The following ASAP1 variants were observed in gnomAD, a reference collection of about 807,000 sequenced individuals.
ASAP1 encodes the protein ArfGAP with SH3 domain, ankyrin repeat and PH domain 1, also known as arf-GAP with SH3 domain, ANK repeat and PH domain-containing protein 1.
Under a neutral mutation model 145.2 loss-of-function variants are expected in ASAP1, and 43 were observed. The observed-to-expected ratio is 0.30, with a 90% confidence interval of 0.23 to 0.38. The LOEUF is 0.38. Among genes scored for constraint, ASAP1 ranks in the 10% least tolerant of loss-of-function variants. The pLI, the probability that ASAP1 is intolerant of heterozygous loss-of-function variation, is 1.00. For missense variants in ASAP1, 1,018 were observed against 1,355.3 expected, an observed-to-expected ratio of 0.75 and a Z score of 3.91; for synonymous variants, 546 against 515.5, an observed-to-expected ratio of 1.06 and a Z score of -0.80.
chr8:130,185,427 C>T (rs1814648426), intron 7 of ASAP1, among the ~76,000 whole-genome samples: 1 of 151,922 alleles, frequency 6.6e-6, no homozygotes, highest in African/African-American at 2.4e-5. Context: ...TTGTAGAGGA[C>T]AATACAGAAA....
intron 3 of ASAP1, among the ~76,000 whole-genome samples, chr8:130,310,473 T>C (rs1288184400): frequency 2.0e-5 from 3 of 152,136 alleles, no homozygotes; most frequent in African/African-American, 7.2e-5. Context: ...TTCATGGTGA[T>C]AGATGTGTCA....
chr8:130,287,652 T>C (rs1217620778), intron 3 of ASAP1, among the ~76,000 whole-genome samples: 1 of 152,214 alleles, frequency 6.6e-6, no homozygotes, highest in Non-Finnish European at 1.5e-5. Context: ...GCATTTGAAT[T>C]TCTCCTCTGC....
At chr8:130,110,990 C>T (rs531667707) in intron 24 of ASAP1, among the ~76,000 whole-genome samples, 1 of 152,160 alleles carries the variant, frequency 6.6e-6, no homozygotes, top group African/African-American at 2.4e-5. Flanking sequence ...TCAATTATCC[C>T]TACTGGCTGA....
At chr8:130,245,594 G>C (rs988917436) in intron 3 of ASAP1, among the ~76,000 whole-genome samples, 15 of 152,130 alleles carry the variant, frequency 9.9e-5, no homozygotes, top group Non-Finnish European at 1.9e-4. Context: ...CCAAAGAAAA[G>C]GTACTGCATA....
Position 130,054,770 on chromosome 8 carries a change from C to A in ASAP1, c.3351G>T (p.Gly1117=). ...TATGAACAAAGGACACTGGAAAGAC[C>A]CCCTTCCTTTCAGGCTGTCCTTCGA... ...GHIEGQPERK[G]VFPVSFVHIL... The change falls in exon 30 of 30, where the codon GGG becomes GGT. Residue 1117 remains glycine (G), a synonymous_variant. Transcript: ENST00000518721. 3 of 1,613,720 alleles carry A rather than the reference C, an allele frequency of 1.9e-6. No homozygotes were observed. Among genetic ancestry groups the A allele is most frequent in the South Asian group, 1.1e-5 (1 of 91,062 alleles).
At chr8:130,117,105 A>T in intron 20 of ASAP1, 110 bp from the exon 21 acceptor site, 1 of 642,508 alleles carries the variant, frequency 1.6e-6, no homozygotes, top group South Asian at 2.2e-5. Flanking sequence ...AGACCTAATT[A>T]TTATAATAGA....
At chr8:130,373,298 C>CT in intron 2 of ASAP1, among the ~76,000 whole-genome samples, 1 of 152,182 alleles carries the variant, frequency 6.6e-6, no homozygotes, top group South Asian at 2.1e-4. Flanking sequence ...CTTTCACTTG[C>CT]TCCCATTTTC....
intron 27 of ASAP1, among the ~76,000 whole-genome samples, chr8:130,076,084 A>G (rs897400287): frequency 6.6e-5 from 10 of 152,244 alleles, no homozygotes; most frequent in Non-Finnish European, 1.3e-4. Flanking sequence ...GGGGAGAAAG[A>G]ATGGTTCCTG....
intron 24 of ASAP1, among the ~76,000 whole-genome samples, chr8:130,105,821 T>G (rs138952232): frequency 3.9e-5 from 6 of 152,306 alleles, no homozygotes; most frequent in African/African-American, 1.4e-4. Context: ...GGGCATGATA[T>G]GTGCCACATT....
At chr8:130,383,433 G>C (rs917049069) in intron 2 of ASAP1, among the ~76,000 whole-genome samples, 2 of 152,180 alleles carry the variant, frequency 1.3e-5, no homozygotes, top group African/African-American at 4.8e-5. Context: ...TGAAAATGAG[G>C]CCATCTGAGA....
In ASAP1 at chr8:130,349,759, T is replaced by C. The variant is rs138447838; in HGVS notation, c.186+8258A>G. Among the ~76,000 whole-genome samples the C allele has an allele frequency of 3.3e-4, 50 of 152,294 alleles. 2 individuals carry two copies. In the East Asian group the frequency reaches 6.0e-3, roughly 18 times the overall value. On this transcript the variant is annotated intron_variant, in intron 3 of 29. Transcript: ENST00000518721. ...CTGAGTAGTCAGACCTTGACACCCA[T>C]AGGGACATACTTTACTGACACATAA... is the stretch of plus-strand genomic sequence containing the variant.
chr8:130,151,973 G>A (rs914396113), intron 13 of ASAP1, among the ~76,000 whole-genome samples: 1 of 152,210 alleles, frequency 6.6e-6, no homozygotes, highest in African/African-American at 2.4e-5. Flanking sequence ...ATACCACATG[G>A]GTTGTTGGGA....
chr8:130,107,590 C>G (rs374427400), intron 24 of ASAP1, among the ~76,000 whole-genome samples: 5 of 151,024 alleles, frequency 3.3e-5, no homozygotes, highest in African/African-American at 1.2e-4. Flanking sequence ...TTCTGTCGCC[C>G]GGGCTGAAGT....
At chr8:130,320,368 C>T (rs1230846116) in intron 3 of ASAP1, among the ~76,000 whole-genome samples, 3 of 151,986 alleles carry the variant, frequency 2.0e-5, no homozygotes, top group Non-Finnish European at 2.9e-5. Flanking sequence ...CCAGCCTGAG[C>T]GACATGACAA....
At chr8:130,132,358 T>A (rs540641480) in intron 15 of ASAP1, among the ~76,000 whole-genome samples, 1 of 152,338 alleles carries the variant, frequency 6.6e-6, no homozygotes, top group South Asian at 2.1e-4. Context: ...CCTCATTGAC[T>A]TCTAGTCACC....
In ASAP1 at chr8:130,092,007, A is replaced by C; in HGVS notation, c.2538T>G (p.Pro846=). The change falls in exon 25 of 30, where the codon CCT becomes CCG. Residue 846 remains proline (P), a synonymous_variant. Coordinates refer to ENST00000518721, the MANE Select transcript of ASAP1 (RefSeq NM_018482.4). ...CTGCGCCTTTGTTTGGGGGCCCATG[A>C]GGTAGTGGGCTGGGAGGGTCGGATA... ...RTLSDPPSPL[P]HGPPNKGAVP... The C allele has an allele frequency of 6.4e-7, 1 of 1,561,542 alleles. No homozygotes were observed. The highest frequency in any genetic ancestry group is 8.6e-7 in the Non-Finnish European group (1 of 1,160,294).
chr8:130,111,474 A>G (rs1290078173), intron 24 of ASAP1, among the ~76,000 whole-genome samples: 2 of 152,172 alleles, frequency 1.3e-5, no homozygotes, highest in Admixed American at 6.5e-5. Context: ...CTACAGGCCA[A>G]TTACTCAGTA....
At chr8:130,300,169 G>GAGAC (rs1822564387) in intron 3 of ASAP1, among the ~76,000 whole-genome samples, 1 of 143,744 alleles carries the variant, frequency 7.0e-6, no homozygotes, top group Non-Finnish European at 1.5e-5. Flanking sequence ...GAGAGAGAGA[G>GAGAC]AGAGAGAGAG....
At chr8:130,431,093 CT>C (rs1830119400) in intron 1 of ASAP1, among the ~76,000 whole-genome samples, 1 of 152,214 alleles carries the variant, frequency 6.6e-6, no homozygotes, top group Non-Finnish European at 1.5e-5. Flanking sequence ...GCCTTGCCAA[CT>C]GGCCAGAAAT....
Sources: gnomAD v4.1 joint callset for allele counts (sites outside exome capture counted in the v4.1 genomes callset) on GRCh38, gnomAD v4.1.1 for gene constraint, MANE v1.5 for transcripts, NCBI Gene and HGNC (gene_info 2026-07-23, HGNC 2026-07-21) for gene names.